Variants in FBXL4 observed in about 807,000 individuals in gnomAD.
The protein encoded by FBXL4 is F-box and leucine rich repeat protein 4.
Under a neutral mutation model 58.9 loss-of-function variants are expected in FBXL4, and 40 were observed. The ratio of observed to expected loss-of-function variants is 0.68; its 90% CI spans 0.53 to 0.88. FBXL4 has a LOEUF of 0.88. Ranked by LOEUF, FBXL4 falls within the 40% of genes least tolerant of loss-of-function variation. The pLI, the probability that FBXL4 is intolerant of heterozygous loss-of-function variation, is 0.00. For synonymous variants in FBXL4, 263 were observed against 265.5 expected (o/e 0.99, Z 0.09); for missense variants, 676 against 734.4 (o/e 0.92, Z 0.92).
chr6:98,923,307 T>TA (rs950545522), intron 4 of FBXL4, among the ~76,000 whole-genome samples: 2 of 152,062 alleles, frequency 1.3e-5, no homozygotes, highest in African/African-American at 2.4e-5. Flanking sequence ...AAAATTTCCA[T>TA]AAAAATTGCA....
At chr6:98,879,019 A>G (rs1380104504) in intron 8 of FBXL4, among the ~76,000 whole-genome samples, 1 of 152,124 alleles carries the variant, frequency 6.6e-6, no homozygotes, top group African/African-American at 2.4e-5. Flanking sequence ...GTTTAATAAG[A>G]CCTAACCACA....
intron 1 of FBXL4, among the ~76,000 whole-genome samples, chr6:98,941,448 C>T (rs1773428645): frequency 6.6e-6 from 1 of 152,100 alleles, no homozygotes; most frequent in South Asian, 2.1e-4. Flanking sequence ...AGGGGCCACA[C>T]AAGGAATTTT....
rs1372096373 is a variant in FBXL4, at chr6:98,870,551, T to TA, written c.*3726dup. 1.3e-5 allele frequency: 2 copies of TA among 152,210 alleles called. No homozygotes were observed. The highest frequency in any genetic ancestry group is 2.9e-5 in the Non-Finnish European group (2 of 68,034). The allele number at this position is 152,210 out of a possible 1,614,324, so 9.4% of individuals were successfully genotyped here. A position where few individuals can be genotyped will look rare whatever the true frequency, so the allele number is the denominator to read the frequency against. ...CATTTTGCACTGCTACTTGGCACACTAAAAACTGCAGTAATGCAGTTACCA... is the reference window on the plus strand; with the variant it reads ...CATTTTGCACTGCTACTTGGCACACTAAAAAACTGCAGTAATGCAGTTACCA... On this transcript the variant is annotated 3_prime_UTR_variant, in exon 10 of 10. Transcript: ENST00000369244.
intron 1 of FBXL4, among the ~76,000 whole-genome samples, chr6:98,935,817 C>T (rs965169541): frequency 1.7e-4 from 21 of 125,432 alleles, no homozygotes; most frequent in Non-Finnish European, 3.3e-4. Context: ...AAGAATAAGG[C>T]ATCTGAATGA....
intron 1 of FBXL4, among the ~76,000 whole-genome samples, chr6:98,947,116 C>A (rs1418079760): frequency 1.3e-5 from 2 of 152,214 alleles, no homozygotes; most frequent in Non-Finnish European, 2.9e-5. Flanking sequence ...CAGGCTTATA[C>A]CATCTTCACC....
intron 7 of FBXL4, chr6:98,898,677 A>G (rs1771493116): frequency 1.0e-6 from 1 of 985,280 alleles, no homozygotes; most frequent in Non-Finnish European, 1.2e-6. Flanking sequence ...ACAACTGGAA[A>G]AACTAAATGT....
At chr6:98,934,235 G>C (rs1773117174) in intron 2 of FBXL4, among the ~76,000 whole-genome samples, 2 of 152,082 alleles carry the variant, frequency 1.3e-5, no homozygotes. Flanking sequence ...GTTGATTATG[G>C]AGAACTGGAA....
intron 5 of FBXL4, among the ~76,000 whole-genome samples, chr6:98,911,430 C>G (rs1321664594): frequency 6.6e-6 from 1 of 152,182 alleles, no homozygotes; most frequent in Non-Finnish European, 1.5e-5. Context: ...GAGGCACCCT[C>G]CAGTAGGGGC....
intron 3 of FBXL4, among the ~76,000 whole-genome samples, chr6:98,927,448 G>C (rs3756986): frequency 0.072 from 11,011 of 152,122 alleles, 604 homozygotes; most frequent in East Asian, 0.28. Context: ...CTTAGACATT[G>C]CTGTAATTTT....
chr6:98,870,789 T>A lies in FBXL4; in HGVS notation c.*3489A>T, dbSNP rs1182944408. The A allele has an allele frequency of 6.6e-6, 1 of 152,134 alleles. No individual in the cohort carries two copies. The highest frequency in any genetic ancestry group is 1.5e-5 in the Non-Finnish European group (1 of 68,026). The allele number at this position is 152,134 out of a possible 1,614,324, so 9.4% of individuals were successfully genotyped here. A position where few individuals can be genotyped will look rare whatever the true frequency, so the allele number is the denominator to read the frequency against. On this transcript the variant is annotated 3_prime_UTR_variant, in exon 10 of 10. Transcript: ENST00000369244. ...TGTCATTATAGCTGTTCTTAAAGAA[T>A]ACTATAGGGAGGTCAGATGCAGTGG...
chr6:98,926,082 G>C (rs1315757744), intron 4 of FBXL4, among the ~76,000 whole-genome samples: 4 of 152,292 alleles, frequency 2.6e-5, no homozygotes, highest in African/African-American at 9.6e-5. Context: ...CTCCTCTGAA[G>C]TGTCACTCAC....
chr6:98,879,347 A>G (rs545354855), intron 8 of FBXL4, among the ~76,000 whole-genome samples: 1 of 152,284 alleles, frequency 6.6e-6, no homozygotes, highest in East Asian at 1.9e-4. Context: ...CTAAACCTAC[A>G]TTGTTTTAGG....
At chr6:98,910,951 T>C (rs1217211702) in intron 5 of FBXL4, among the ~76,000 whole-genome samples, 1 of 152,140 alleles carries the variant, frequency 6.6e-6, no homozygotes, top group Non-Finnish European at 1.5e-5. Context: ...AGATGGCACC[T>C]AGAAAATCGG....
intron 9 of FBXL4, among the ~76,000 whole-genome samples, chr6:98,874,873 T>A (rs1218793133): frequency 6.6e-6 from 1 of 152,186 alleles, no homozygotes; most frequent in Non-Finnish European, 1.5e-5. Context: ...TGGCTAAAAG[T>A]AAGAAGCAAC....
rs1049726519 is a variant in FBXL4 at position 98,947,833 on chromosome 6, C to T, written c.-336G>A. ...TGCAGGGTCCGGGAGAGGCGCGCGC[C>T]GCGGGCTTCACCAGCGACCAGGCAG... On this transcript the variant is annotated 5_prime_UTR_variant, in exon 1 of 10. Transcript: ENST00000369244. 1.3e-5 allele frequency: 2 copies of T among 151,962 alleles called. No individual in the cohort carries two copies. The highest frequency in any genetic ancestry group is 4.8e-5 in the African/African-American group (2 of 41,370). 9.4% of individuals were successfully genotyped at this position (151,962 alleles called of 1,614,324 possible). A position where few individuals can be genotyped will look rare whatever the true frequency, so the allele number is the denominator to read the frequency against.
intron 9 of FBXL4, among the ~76,000 whole-genome samples, chr6:98,874,797 C>T (rs1186584166): frequency 2.6e-5 from 4 of 152,078 alleles, no homozygotes; most frequent in East Asian, 1.9e-4. Context: ...TGTGCAAGTG[C>T]GATATGACTT....
At chr6:98,929,938 C>T (rs1317155535) in intron 2 of FBXL4, among the ~76,000 whole-genome samples, 3 of 152,152 alleles carry the variant, frequency 2.0e-5, no homozygotes, top group Non-Finnish European at 4.4e-5. Context: ...GGCCTAAATT[C>T]ACACAACCTT....
intron 5 of FBXL4, 98 bp downstream of exon 5, chr6:98,917,276 C>G (rs1772395139): frequency 1.2e-6 from 1 of 812,030 alleles, no homozygotes; most frequent in African/African-American, 1.7e-5. Context: ...ATATAACTTA[C>G]CAATGCTCAA....
In FBXL4 at chr6:98,945,280, G is replaced by A. The variant is rs148082214; in HGVS notation, c.-309+2526C>T. On this transcript the variant is annotated intron_variant, in intron 1 of 9. Transcript: ENST00000369244. ...ACAGGGGACTGGCTAAATAACTTTT[G>A]GGTTATTCCTACAATGAAATACCAA... Among the ~76,000 whole-genome samples the A allele has an allele frequency of 8.1e-4, 123 of 152,088 alleles. 1 individual carries two copies. The East Asian group carries it at 0.015, about 19-fold the overall frequency.
Sources: gnomAD v4.1 joint callset for allele counts (sites outside exome capture counted in the v4.1 genomes callset) on GRCh38, gnomAD v4.1.1 for gene constraint, MANE v1.5 for transcripts, NCBI Gene and HGNC (gene_info 2026-07-23, HGNC 2026-07-21) for gene names.